The following BIRC6 variants were observed in gnomAD, a reference collection of about 807,000 sequenced individuals.
BIRC6 encodes baculoviral IAP repeat containing 6.
Under a neutral mutation model 503.3 loss-of-function variants are expected in BIRC6, and 98 were observed. That is an observed-to-expected ratio of 0.19 (90% CI 0.17 to 0.23). The LOEUF (loss-of-function observed/expected upper bound fraction) is 0.23, where lower values mean the gene tolerates loss of function less well. BIRC6 is among the 10% of genes least tolerant of loss of function. The probability of loss-of-function intolerance (pLI) is 1.00; values close to 1 mark genes in which losing one functional copy is unlikely to be tolerated. For missense variants in BIRC6, 5,360 were observed against 5,806.0 expected (o/e 0.92, Z 2.50); for synonymous variants, 2,240 against 2,078.7 (o/e 1.08, Z -2.11).
chr2:32,613,271 G>A (rs921660995), intron 73 of BIRC6, among the ~76,000 whole-genome samples: 2 of 151,772 alleles, frequency 1.3e-5, no homozygotes, highest in South Asian at 2.1e-4. Context: ...TGCATCTTCC[G>A]CCTCCCTTGT....
At chr2:32,504,127 T>C (rs1366594830) in intron 49 of BIRC6, among the ~76,000 whole-genome samples, 1 of 150,178 alleles carries the variant, frequency 6.7e-6, no homozygotes, top group Non-Finnish European at 1.5e-5. Flanking sequence ...CTTGAACTCC[T>C]GGCCCCAAGT....
intron 65 of BIRC6, chr2:32,574,611 A>G (rs1372348312): frequency 1.3e-5 from 2 of 158,880 alleles, no homozygotes; most frequent in Non-Finnish European, 2.8e-5. Flanking sequence ...GGATCATCAT[A>G]AAAGTCTTCA....
intron 12 of BIRC6, among the ~76,000 whole-genome samples, chr2:32,432,557 G>C (rs1428113093): frequency 6.6e-6 from 1 of 151,972 alleles, no homozygotes; most frequent in Non-Finnish European, 1.5e-5. Flanking sequence ...AGGTGTTCAA[G>C]ACCCACCTGG....
At chr2:32,506,431 A>T (rs1324242960) in intron 50 of BIRC6, among the ~76,000 whole-genome samples, 1 of 152,270 alleles carries the variant, frequency 6.6e-6, no homozygotes, top group African/African-American at 2.4e-5. Flanking sequence ...GTAGAAGGAA[A>T]ATATGCTAGT....
At chr2:32,470,923 A>G in intron 31 of BIRC6, 91 bp from the exon 32 acceptor site, 1 of 1,323,714 alleles carries the variant, frequency 7.6e-7, no homozygotes, top group Non-Finnish European at 1.0e-6. Flanking sequence ...TTTTGGATTT[A>G]TAGAATGTTT....
In BIRC6 at chr2:32,481,278, G is replaced by A. The variant is rs143609650; in HGVS notation, c.7409-42G>A. 260 of 1,443,506 alleles carry A rather than the reference G, an allele frequency of 1.8e-4. 3 individuals carry two copies. In the African/African-American group the frequency reaches 3.3e-3, roughly 18 times the overall value. The allele number at this position is 1,443,506 out of a possible 1,614,324, so 89.4% of individuals were successfully genotyped here. On this transcript the variant is annotated intron_variant, in intron 37 of 73. Coordinates refer to ENST00000421745, the MANE Select transcript of BIRC6 (RefSeq NM_016252.4). ...AAGCATTATGTCATCTAAATTTTATGTGATACACTCCACCAATAAGATCAC... is the reference window on the plus strand; with the variant it reads ...AAGCATTATGTCATCTAAATTTTATATGATACACTCCACCAATAAGATCAC...
intron 65 of BIRC6, among the ~76,000 whole-genome samples, chr2:32,559,392 G>A (rs2059000923): frequency 1.3e-5 from 2 of 152,196 alleles, no homozygotes; most frequent in Admixed American, 1.3e-4. Context: ...TCTGTTCTTT[G>A]TCAGGCAGGC....
At chr2:32,580,762 G>C (rs889970706) in intron 66 of BIRC6, among the ~76,000 whole-genome samples, 1 of 152,174 alleles carries the variant, frequency 6.6e-6, no homozygotes, top group African/African-American at 2.4e-5. Flanking sequence ...TCTTCTCCCT[G>C]TCCTACTGTT....
chr2:32,478,315 C>T (rs762966861), intron 35 of BIRC6, among the ~76,000 whole-genome samples: 3 of 151,498 alleles, frequency 2.0e-5, no homozygotes, highest in East Asian at 1.9e-4. Context: ...ACCAGCCTGG[C>T]GACAGACCGA....
chr2:32,582,335 G>C (rs1047534425), intron 66 of BIRC6, among the ~76,000 whole-genome samples: 2 of 152,108 alleles, frequency 1.3e-5, no homozygotes, highest in Non-Finnish European at 2.9e-5. Context: ...AACATGGTAA[G>C]TAAAACCCTG....
At chr2:32,394,723 G>T (rs930607422) in intron 5 of BIRC6, among the ~76,000 whole-genome samples, 1 of 152,120 alleles carries the variant, frequency 6.6e-6, no homozygotes, top group African/African-American at 2.4e-5. Flanking sequence ...AGTTCCAGCT[G>T]GGGGGCTGAG....
intron 3 of BIRC6, among the ~76,000 whole-genome samples, chr2:32,384,606 G>A (rs553331087): frequency 2.0e-5 from 3 of 152,250 alleles, no homozygotes. Flanking sequence ...CTGTCAGATA[G>A]CTGGCTGTTC....
intron 43 of BIRC6, among the ~76,000 whole-genome samples, 154 bp downstream of exon 43, chr2:32,490,305 T>G (rs2051532309): frequency 6.6e-6 from 1 of 152,174 alleles, no homozygotes; most frequent in Admixed American, 6.5e-5. Flanking sequence ...CCCAGCACTT[T>G]GGGAGGCCAG....
chr2:32,405,578 G>T (rs146159833), intron 8 of BIRC6, among the ~76,000 whole-genome samples: 1 of 152,214 alleles, frequency 6.6e-6, no homozygotes, highest in Admixed American at 6.5e-5. Flanking sequence ...AGACCGAGGC[G>T]GGAGGATCAC....
chr2:32,521,732 G>A (rs980164458), intron 57 of BIRC6, among the ~76,000 whole-genome samples: 18 of 151,290 alleles, frequency 1.2e-4, no homozygotes, highest in Non-Finnish European at 2.4e-4. Flanking sequence ...TGCCTTCCTC[G>A]GCCTCCCAAA....
rs183946746 is a variant in BIRC6 at position 32,561,069 on chromosome 2, G to A, written c.13144+11588G>A. 6.4e-3 allele frequency among the ~76,000 whole-genome samples: 974 copies of A among 151,526 alleles called. 9 individuals are homozygous for A. Among genetic ancestry groups the A allele is most frequent in the African/African-American group, 0.022 (923 of 41,370 alleles). On this transcript the variant is annotated intron_variant, in intron 65 of 73. Coordinates refer to ENST00000421745, the MANE Select transcript of BIRC6 (RefSeq NM_016252.4). ...AAAAATTAGCCGGGCGTGGTGGCAC[G>A]TGCCTGTAGTCCCAGCTACTTGGGA...
intron 68 of BIRC6, among the ~76,000 whole-genome samples, chr2:32,596,962 A>G (rs2061715177): frequency 6.6e-6 from 1 of 152,242 alleles, no homozygotes; most frequent in South Asian, 2.1e-4. Flanking sequence ...TTAGCTAGCT[A>G]GAAGAGTTCT....
chr2:32,528,396 G>A (rs2056457073), intron 59 of BIRC6: 1 of 152,182 alleles, frequency 6.6e-6, no homozygotes, highest in Admixed American at 6.5e-5. Flanking sequence ...GCTAATTTTT[G>A]TATATTTGAT....
intron 38 of BIRC6, among the ~76,000 whole-genome samples, 175 bp downstream of exon 38, chr2:32,481,628 T>C (rs2050408578): frequency 6.6e-6 from 1 of 151,986 alleles, no homozygotes; most frequent in African/African-American, 2.4e-5. Context: ...TAGCTGGACG[T>C]GGTGGCGGGC....
Sources: gnomAD v4.1 joint callset for allele counts (sites outside exome capture counted in the v4.1 genomes callset) on GRCh38, gnomAD v4.1.1 for gene constraint, MANE v1.5 for transcripts, NCBI Gene and HGNC (gene_info 2026-07-23, HGNC 2026-07-21) for gene names.